The following MYO9A variants were observed in gnomAD, a reference collection of about 807,000 sequenced individuals.
MYO9A encodes the protein myosin IXA, also known as unconventional myosin-IXa.
Under a neutral mutation model 293.3 loss-of-function variants are expected in MYO9A, and 103 were observed. That is an observed-to-expected ratio of 0.35 (90% CI 0.30 to 0.41). The LOEUF is 0.41. Ranked by LOEUF, MYO9A falls within the 10% of genes least tolerant of loss-of-function variation. The pLI, the probability that MYO9A is intolerant of heterozygous loss-of-function variation, is 1.00. For synonymous variants in MYO9A, 1,001 were observed against 1,035.7 expected (o/e 0.97, Z 0.64); for missense variants, 2,685 against 3,033.0 (o/e 0.89, Z 2.69).
chr15:71,890,091 A>C (rs898327269), intron 26 of MYO9A: 3 of 152,196 alleles, frequency 2.0e-5, no homozygotes, highest in Non-Finnish European at 4.4e-5. Flanking sequence ...AGATATTACT[A>C]AGACACAGTC....
chr15:72,082,708 T>C (rs552874738), intron 1 of MYO9A, among the ~76,000 whole-genome samples: 5 of 152,062 alleles, frequency 3.3e-5, no homozygotes, highest in Non-Finnish European at 7.4e-5. Flanking sequence ...ATTCCTTCAA[T>C]ACCTCGTTTA....
At chr15:71,951,689 A>G in intron 15 of MYO9A, 88 bp downstream of exon 15, 5 of 1,537,476 alleles carry the variant, frequency 3.3e-6, no homozygotes, top group Non-Finnish European at 4.5e-6. Context: ...TGCCCATACA[A>G]TCTATATCCC....
chr15:72,013,050 C>G (rs2077221126), intron 6 of MYO9A, among the ~76,000 whole-genome samples: 2 of 152,134 alleles, frequency 1.3e-5, no homozygotes, highest in Admixed American at 1.3e-4. Context: ...TCTCCCAGAA[C>G]AGAAATGACT....
intron 15 of MYO9A, among the ~76,000 whole-genome samples, chr15:71,942,858 A>C (rs1441610502): frequency 6.6e-6 from 1 of 152,014 alleles, no homozygotes; most frequent in Non-Finnish European, 1.5e-5. Flanking sequence ...ACATTTACCA[A>C]GTTCTTTATT....
rs754074360 is a variant in MYO9A at position 71,897,726 on chromosome 15, G to A, written c.4777C>T (p.His1593Tyr). The change falls in exon 25 of 42, where the codon CAC (histidine) becomes TAC (tyrosine). Residue 1593 changes from histidine (H) to tyrosine (Y), a missense_variant. Physicochemically the swap from His to Tyr is moderately conservative, Grantham distance 83. This residue lies in a region of MYO9A where 1,434 missense variants were observed against 1,497.7 expected (regional missense o/e 0.96). Transcript: ENST00000356056. ...ACAGGTCGGTCCTTTGGGGGTAAGT[G>A]AGCAGAGGAACTGTCTTTTTGGGCA... ...ALAQKDSSSA[H>Y]LPPKDRPVTV... 3 of 1,613,998 alleles carry A rather than the reference G, an allele frequency of 1.9e-6. No individual in the cohort carries two copies. Among genetic ancestry groups the A allele is most frequent in the Non-Finnish European group, 1.7e-6 (2 of 1,180,038 alleles).
chr15:71,991,215 T>A lies in MYO9A; in HGVS notation c.1610A>T (p.Asp537Val). The change falls in exon 11 of 42, where the codon GAT (aspartate) becomes GTT (valine). Residue 537 changes from aspartate (D) to valine (V), a missense_variant. Coordinates refer to ENST00000356056, the MANE Select transcript of MYO9A (RefSeq NM_006901.4). ...TTCATAATCTTCAAACCCAAAAATA[T>A]CAAGAACACCAATAGACAATGTCTG... ...NTKTLSIGVLDIFGFEDYENN... is the reference protein window; with the variant it reads ...NTKTLSIGVLVIFGFEDYENN... The A allele has an allele frequency of 1.2e-6, 2 of 1,603,694 alleles. No homozygotes were observed. The highest frequency in any genetic ancestry group is 1.7e-6 in the Non-Finnish European group (2 of 1,174,648).
At chr15:72,093,355 C>G (rs1424932263) in intron 1 of MYO9A, among the ~76,000 whole-genome samples, 1 of 151,286 alleles carries the variant, frequency 6.6e-6, no homozygotes, top group Non-Finnish European at 1.5e-5. Flanking sequence ...TAGTGAGACC[C>G]TGTCTCTACA....
chr15:71,969,504 A>G (rs1461158173), intron 12 of MYO9A, among the ~76,000 whole-genome samples: 2 of 152,192 alleles, frequency 1.3e-5, no homozygotes. Flanking sequence ...AGGCAAAAAG[A>G]CTTGATTCCA....
At chr15:71,995,527 CA>C (rs2076673553) in intron 9 of MYO9A, among the ~76,000 whole-genome samples, 1 of 140,996 alleles carries the variant, frequency 7.1e-6, no homozygotes, top group Admixed American at 7.1e-5. Context: ...TCTTAAAAAA[CA>C]AAGAATTTCA....
chr15:71,867,906 C>T (rs1237661341), intron 32 of MYO9A, among the ~76,000 whole-genome samples: 2 of 151,284 alleles, frequency 1.3e-5, no homozygotes, highest in Non-Finnish European at 2.9e-5. Context: ...CCTAATAGTC[C>T]GGTAAGGAAT....
chr15:72,041,158 T>A, intron 2 of MYO9A: 2 of 877,790 alleles, frequency 2.3e-6, no homozygotes, highest in South Asian at 1.3e-5. Flanking sequence ...GGTGGGAGAA[T>A]TGCTTAAGCC....
intron 6 of MYO9A, among the ~76,000 whole-genome samples, chr15:72,018,051 ACT>A (rs1405653731): frequency 6.6e-6 from 1 of 152,038 alleles, no homozygotes; most frequent in Non-Finnish European, 1.5e-5. Context: ...ACATAGTGAG[ACT>A]CTGTCTTTAA....
rs184957398 is a variant in MYO9A at position 71,876,758 on chromosome 15, C to T, written c.5932-920G>A. On this transcript the variant is annotated intron_variant, in intron 31 of 41. Coordinates refer to ENST00000356056, the MANE Select transcript of MYO9A (RefSeq NM_006901.4). ...TGATTGTTTTAAAGATTTTACTTCC[C>T]GTATTTTAGCTGTAGAAAACTACCA... is the stretch of plus-strand genomic sequence containing the variant. 2.6e-4 allele frequency among the ~76,000 whole-genome samples: 39 copies of T among 152,038 alleles called. No individual in the cohort carries two copies. The East Asian group carries it at 6.2e-3, about 24-fold the overall frequency.
At chr15:72,118,164 G>T, upstream of MYO9A, 1 of 368,184 alleles carries the variant, frequency 2.7e-6, no homozygotes, top group Non-Finnish European at 4.8e-6. Context: ...TACCTCCCAC[G>T]CCCCCTACTG....
At chr15:72,053,224 ACCCTGT>A (rs2078622016) in intron 1 of MYO9A, among the ~76,000 whole-genome samples, 1 of 151,908 alleles carries the variant, frequency 6.6e-6, no homozygotes, top group African/African-American at 2.4e-5. Flanking sequence ...ACATGGTGAA[ACCCTGT>A]CCCTATTAAA....
chr15:71,934,345 T>A (rs537579120), intron 17 of MYO9A, among the ~76,000 whole-genome samples: 2 of 152,260 alleles, frequency 1.3e-5, no homozygotes, highest in South Asian at 4.1e-4. Context: ...CTCTTTAACT[T>A]TTCATTATGT....
intron 32 of MYO9A, among the ~76,000 whole-genome samples, chr15:71,866,504 A>AATGT (rs2141932665): frequency 6.6e-6 from 1 of 152,132 alleles, no homozygotes; most frequent in Admixed American, 6.5e-5. Context: ...TAAATAAATA[A>AATGT]ATGTATGTAT....
At chr15:72,028,218 A>AATATATATATATATATATATATAT (rs33914430) in intron 3 of MYO9A, among the ~76,000 whole-genome samples, 2 of 134,254 alleles carry the variant, frequency 1.5e-5, no homozygotes, top group African/African-American at 2.7e-5. Context: ...TAAATAAATA[A>AATATATATATATATATATATATAT]ATATATATAT....
At chr15:71,838,296 G>A (rs2055017970) in intron 39 of MYO9A, among the ~76,000 whole-genome samples, 1 of 151,786 alleles carries the variant, frequency 6.6e-6, no homozygotes, top group East Asian at 1.9e-4. Flanking sequence ...CTTTCCTTAT[G>A]GTCATTTTTG....
Sources: allele counts gnomAD v4.1 joint callset (sites outside exome capture counted in the v4.1 genomes callset), GRCh38; gene constraint gnomAD v4.1.1; regional missense constraint gnomAD v4.1.1; transcripts MANE v1.5; gene names NCBI Gene and HGNC (gene_info 2026-07-23, HGNC 2026-07-21).